Variants in MORN1 observed in about 807,000 individuals in gnomAD.
MORN1 encodes MORN repeat containing 1.
A neutral mutation model predicts 61.9 loss-of-function variants in MORN1; 67 were observed. That is an observed-to-expected ratio of 1.08 (90% CI 0.89 to 1.33). The LOEUF (loss-of-function observed/expected upper bound fraction) is 1.33, where lower values mean the gene tolerates loss of function less well. Ranked by LOEUF, MORN1 falls within the 40% of genes most tolerant of loss-of-function variation. The probability of loss-of-function intolerance (pLI) is 0.00; values close to 1 mark genes in which losing one functional copy is unlikely to be tolerated. For synonymous variants in MORN1, 301 were observed against 292.0 expected, an observed-to-expected ratio of 1.03 and a Z score of -0.31; for missense variants, 752 against 691.2, an observed-to-expected ratio of 1.09 and a Z score of -0.99.
chr1:2,324,986 G>A (rs1358003004), intron 12 of MORN1, among the ~76,000 whole-genome samples: 1 of 151,758 alleles, frequency 6.6e-6, no homozygotes, highest in Non-Finnish European at 1.5e-5. Context: ...GGGCCCGGCA[G>A]GTGCCTCCGA....
Position 2,322,426 on chromosome 1 carries a change from C to T in MORN1, c.1298-847G>A, listed in dbSNP as rs931845474. On this transcript the variant is annotated intron_variant, in intron 13 of 13. Transcript: ENST00000378531. ...TTCCAGACGCCGGCCTGGAAAACAG[C>T]GCTCCCCTCGCAGAGCGGCGGCCTC... 1.2e-4 allele frequency: 115 copies of T among 985,234 alleles called. 1 individual carries two copies. Among genetic ancestry groups the T allele is most frequent in the Non-Finnish European group, 1.3e-4 (109 of 829,934 alleles). The allele number at this position is 985,234 out of a possible 1,614,324, so 61.0% of individuals were successfully genotyped here.
At chr1:2,373,927 C>T (rs1026361295) in intron 7 of MORN1, among the ~76,000 whole-genome samples, 2 of 152,210 alleles carry the variant, frequency 1.3e-5, no homozygotes, top group African/African-American at 2.4e-5. Context: ...GGGCCAGAGT[C>T]GGTGCTGGCG....
chr1:2,376,988 C>G (rs926276035), intron 6 of MORN1: 2 of 152,286 alleles, frequency 1.3e-5, no homozygotes, highest in Non-Finnish European at 2.9e-5. Flanking sequence ...CCTGGAGCAG[C>G]TGCCTCCCAC....
At chr1:2,388,437 C>T in intron 2 of MORN1, 100 bp from the exon 3 acceptor site, 2 of 897,062 alleles carry the variant, frequency 2.2e-6, no homozygotes, top group Non-Finnish European at 3.6e-6. Context: ...AAGAGCTTGG[C>T]TTCAAAACTT....
At chr1:2,328,365 T>C (rs2100232459) in intron 12 of MORN1, among the ~76,000 whole-genome samples, 1 of 152,328 alleles carries the variant, frequency 6.6e-6, no homozygotes, top group East Asian at 1.9e-4. Flanking sequence ...GTAAGGGCCA[T>C]GCCTGGGAGT....
rs1642486912 is a variant in MORN1 at position 2,385,911 on chromosome 1, CGA to C, written c.359-16_359-15del. On this transcript the variant is annotated splice_polypyrimidine_tract_variant and intron_variant, in intron 4 of 13. Transcript: ENST00000378531. ...GAAACCCGTGTCCTGGAGAAGGGAC[CGA>C]GAGACAGACTTGGCTTTGTGCCTCC... 2 of 1,611,794 alleles carry C rather than the reference CGA, an allele frequency of 1.2e-6. No homozygotes were observed. Among genetic ancestry groups the C allele is most frequent in the Non-Finnish European group, 1.7e-6 (2 of 1,178,318 alleles).
chr1:2,322,026 C>T, intron 13 of MORN1: 1 of 985,356 alleles, frequency 1.0e-6, no homozygotes. Context: ...ATAACGAACC[C>T]TCTGAAGGCT....
In MORN1 at chr1:2,372,383, G is replaced by A; in HGVS notation, c.745+98C>T. On this transcript the variant is annotated intron_variant, in intron 8 of 13. Coordinates refer to ENST00000378531, the MANE Select transcript of MORN1 (RefSeq NM_024848.3). This position sits in a 1 kb window ranked among gnomAD's most constrained non-coding sequence, Gnocchi z 5.4. ...ACGAAGTCACTGCTGTGCCTCAGGA[G>A]CCACATGCAACATCTCGTCCGCATC... 1.1e-6 allele frequency: 1 copy of A among 916,390 alleles called. No homozygotes were observed. Among genetic ancestry groups the A allele is most frequent in the South Asian group, 1.6e-5 (1 of 61,612 alleles). 56.8% of individuals were successfully genotyped at this position (916,390 alleles called of 1,614,324 possible).
chr1:2,363,805 C>CAAACAAAAAAAAA (rs140866260), intron 8 of MORN1, among the ~76,000 whole-genome samples: 4 of 124,854 alleles, frequency 3.2e-5, no homozygotes, highest in South Asian at 2.7e-4. Context: ...AACAAACAAA[C>CAAACAAAAAAAAA]AAAAAAATAT....
chr1:2,324,726 A>G (rs1487629053), intron 12 of MORN1, among the ~76,000 whole-genome samples: 1 of 152,142 alleles, frequency 6.6e-6, no homozygotes, highest in Admixed American at 6.5e-5. Flanking sequence ...GGAGACACTC[A>G]CTGCCCTGGC....
At chr1:2,373,334 G>A (rs1255718227) in intron 7 of MORN1, among the ~76,000 whole-genome samples, 1 of 152,248 alleles carries the variant, frequency 6.6e-6, no homozygotes, top group Non-Finnish European at 1.5e-5. Flanking sequence ...AGGGCCTGAA[G>A]CTCTGGCCCC....
chr1:2,386,499 G>C (rs916332037), intron 4 of MORN1: 1 of 154,538 alleles, frequency 6.5e-6, no homozygotes, highest in Admixed American at 6.4e-5. Context: ...GCACGATCTC[G>C]GCTCACTACA....
rs981510033 is a variant in MORN1, at chr1:2,321,399, G to T, written c.1478C>A (p.Pro493Gln). The T allele has an allele frequency of 2.0e-6, 3 of 1,529,150 alleles. No homozygotes were observed. Among genetic ancestry groups the T allele is most frequent in the East Asian group, 5.1e-5 (2 of 39,470 alleles). 94.7% of individuals were successfully genotyped at this position (1,529,150 alleles called of 1,614,324 possible). The change falls in exon 14 of 14, where the codon CCG becomes CAG. Residue 493 changes from proline (P) to glutamine (Q), a missense_variant. Coordinates refer to ENST00000378531, the MANE Select transcript of MORN1 (RefSeq NM_024848.3). The stretch of plus-strand genomic sequence containing the variant: ...CACGGGGCCTCACCGAGGCGCTGGC[G>T]GCTCTGGGGTGCAGCTGTGGGCGGC... ...WQAAHSCTPE[P>Q]PAPR is the part of the protein sequence containing the mutation.
At chr1:2,369,393 A>G (rs972705637) in intron 8 of MORN1, among the ~76,000 whole-genome samples, 5 of 151,872 alleles carry the variant, frequency 3.3e-5, no homozygotes, top group Admixed American at 1.3e-4. Flanking sequence ...GACAATAGCA[A>G]GTACTGAGGA....
chr1:2,363,762 C>CACTAA (rs1641941754), intron 8 of MORN1: 1 of 125,538 alleles, frequency 8.0e-6, no homozygotes, highest in East Asian at 2.2e-4. Flanking sequence ...GACCTTGTCT[C>CACTAA]AAAAAAGAAA....
At chr1:2,321,673 C>T in intron 13 of MORN1, 94 bp from the exon 14 acceptor site, 1 of 1,375,582 alleles carries the variant, frequency 7.3e-7, no homozygotes. Context: ...TGCCCGCTGG[C>T]CCCTGTGCCC....
intron 6 of MORN1, among the ~76,000 whole-genome samples, chr1:2,382,098 G>T (rs965443687): frequency 3.9e-5 from 6 of 152,228 alleles, no homozygotes; most frequent in Non-Finnish European, 5.9e-5. Context: ...TGGGGACAGG[G>T]CTAGGCTGGG....
chr1:2,345,977 TCAGA>T (rs1251335579), intron 10 of MORN1, among the ~76,000 whole-genome samples: 3 of 146,996 alleles, frequency 2.0e-5, no homozygotes, highest in Non-Finnish European at 4.5e-5. Context: ...TGATGAGACC[TCAGA>T]CAAAGCCACC....
intron 1 of MORN1, 138 bp downstream of exon 1, chr1:2,391,320 G>A (rs981217394): frequency 1.0e-6 from 1 of 1,001,622 alleles, no homozygotes; most frequent in East Asian, 3.3e-5. Context: ...GGGGACGCGG[G>A]GGCGGCCCTG....
Sources: gnomAD v4.1 joint callset for allele counts (sites outside exome capture counted in the v4.1 genomes callset) on GRCh38, gnomAD v4.1.1 for gene constraint, Gnocchi (gnomAD v3.1) non-coding constraint, MANE v1.5 for transcripts, NCBI Gene and HGNC (gene_info 2026-07-23, HGNC 2026-07-21) for gene names.